The following ITPR3 variants were observed in gnomAD, a reference collection of about 807,000 sequenced individuals.
ITPR3 encodes the protein inositol 1,4,5-trisphosphate receptor type 3, also known as inositol 1,4,5-trisphosphate-gated calcium channel ITPR3.
Under a neutral mutation model 293.2 loss-of-function variants are expected in ITPR3, and 173 were observed. The observed-to-expected ratio is 0.59, with a 90% confidence interval of 0.52 to 0.67. The LOEUF is 0.67. Among genes scored for constraint, ITPR3 ranks in the 30% least tolerant of loss-of-function variants. ITPR3 has a pLI of 0.00. For synonymous variants in ITPR3, 1,295 were observed against 1,444.4 expected (o/e 0.90, Z 2.35); for missense variants, 2,796 against 3,592.1 (o/e 0.78, Z 5.66).
At chr6:33,673,854 T>A in intron 23 of ITPR3, 134 bp downstream of exon 23, 2 of 1,047,146 alleles carry the variant, frequency 1.9e-6, no homozygotes, top group Non-Finnish European at 2.7e-6. Context: ...CTGTCTCATT[T>A]AATTGCCTCA....
At position 33,655,333 on chromosome 6, in the gene ITPR3, T is replaced by G. The variant is rs912248617; in HGVS notation, c.161-433T>G. On this transcript the variant is annotated intron_variant, in intron 2 of 57. Coordinates refer to ENST00000605930, the MANE Select transcript of ITPR3 (RefSeq NM_002224.4). The surrounding 1 kb of genome is among the most constrained non-coding windows in gnomAD (Gnocchi z 4.9). ...TCAGTCACTGGATAGGGGCTGCCCC[T>G]GGGAAGAGGGGTATGTCATTTCCCA... 1.3e-5 allele frequency among the ~76,000 whole-genome samples: 2 copies of G among 152,182 alleles called. No individual in the cohort carries two copies. The highest frequency in any genetic ancestry group is 4.8e-5 in the African/African-American group (2 of 41,450).
At position 33,684,849 on chromosome 6, in the gene ITPR3, G is replaced by A. The variant is rs41267659; in HGVS notation, c.5213G>A (p.Cys1738Tyr). 4,730 of 1,614,100 alleles carry A rather than the reference G, an allele frequency of 2.9e-3. 13 individuals carry two copies. The highest frequency in any genetic ancestry group is 3.3e-3 in the Non-Finnish European group (3,930 of 1,180,000). ...AAGGAGGGGGCCACCAAGTTGGTAT[G>A]CGACCTCATCACCAGCACCAAGAAC... ...LDKEGATKLV[C>Y]DLITSTKNEK... Residue 1738 changes from cysteine (C) to tyrosine (Y), a missense_variant, in exon 39 of 58, where the codon TGC becomes TAC. Around this residue, in one of 8 missense-constraint regions of ITPR3, gnomAD observed 704 missense variants for 797.5 expected, o/e 0.88. Coordinates refer to ENST00000605930, the MANE Select transcript of ITPR3 (RefSeq NM_002224.4). The surrounding 1 kb of genome is among the most constrained non-coding windows in gnomAD (Gnocchi z 4.2).
In ITPR3 at chr6:33,680,125, A is replaced by C; in HGVS notation, c.4216A>C (p.Ile1406Leu). 6.2e-7 allele frequency: 1 copy of C among 1,612,424 alleles called. No individual in the cohort carries two copies. Among genetic ancestry groups the C allele is most frequent in the Non-Finnish European group, 8.5e-7 (1 of 1,179,024 alleles). ...GTCTGTGGTGACGCATGAGGACTGC[A>C]TCACTGAGGTGGGGATCGGGAGACT... Reference protein sequence around the residue: ...VVSVVTHEDCITEVKMAYVNF... With the variant: ...VVSVVTHEDCLTEVKMAYVNF... The change falls in exon 31 of 58, where the codon ATC (isoleucine) becomes CTC (leucine). Residue 1406 changes from isoleucine to leucine, a missense_variant. Around this residue, in one of 8 missense-constraint regions of ITPR3, gnomAD observed 344 missense variants for 460.3 expected, o/e 0.75. Coordinates refer to ENST00000605930, the MANE Select transcript of ITPR3 (RefSeq NM_002224.4).
intron 2 of ITPR3, among the ~76,000 whole-genome samples, chr6:33,653,278 C>CATTTT (rs370927791): frequency 7.6e-6 from 1 of 132,078 alleles, no homozygotes; most frequent in Non-Finnish European, 1.6e-5. Flanking sequence ...TTTTTATTAA[C>CATTTT]TTTTTTTTTT....
intron 2 of ITPR3, among the ~76,000 whole-genome samples, chr6:33,645,136 C>T (rs1259475208): frequency 5.3e-5 from 8 of 151,780 alleles, no homozygotes; most frequent in Admixed American, 5.2e-4. Flanking sequence ...AGTTTGAGAC[C>T]AGCCAGGCCA....
In ITPR3 at chr6:33,621,526, G is replaced by A; in HGVS notation, c.-77G>A. 2.0e-6 allele frequency: 2 copies of A among 987,216 alleles called. No homozygotes were observed. Among genetic ancestry groups the A allele is most frequent in the Non-Finnish European group, 3.1e-6 (2 of 645,104 alleles). The allele number at this position is 987,216 out of a possible 1,614,324, so 61.2% of individuals were successfully genotyped here. A position where few individuals can be genotyped will look rare whatever the true frequency, so the allele number is the denominator to read the frequency against. Reference sequence around the variant, plus strand: ...GCGTACCCCTCCCCGCTCCCCGGACGCCTCAGTCCTCCGCACTGAGCTTGG... The same window carrying A: ...GCGTACCCCTCCCCGCTCCCCGGACACCTCAGTCCTCCGCACTGAGCTTGG... On this transcript the variant is annotated 5_prime_UTR_variant, in exon 1 of 58. Coordinates refer to ENST00000605930, the MANE Select transcript of ITPR3 (RefSeq NM_002224.4). The surrounding 1 kb of genome is among the most constrained non-coding windows in gnomAD (Gnocchi z 7.7).
At chr6:33,662,749 A>G in intron 8 of ITPR3, 75 bp downstream of exon 8, 3 of 1,570,912 alleles carry the variant, frequency 1.9e-6, no homozygotes, top group Non-Finnish European at 2.6e-6. Context: ...ACCATCCTGG[A>G]GGGTGGGATA....
At position 33,621,371 on chromosome 6, in the gene ITPR3, G is replaced by GGGCGGGC. The variant is rs1763430759; in HGVS notation, c.-223_-217dup. 1 of 252,594 alleles carries GGGCGGGC rather than the reference G, an allele frequency of 4.0e-6. No individual in the cohort carries two copies. The highest frequency in any genetic ancestry group is 7.5e-6 in the Non-Finnish European group (1 of 134,040). 15.6% of individuals were successfully genotyped at this position (252,594 alleles called of 1,614,324 possible). A position where few individuals can be genotyped will look rare whatever the true frequency, so the allele number is the denominator to read the frequency against. On this transcript the variant is annotated 5_prime_UTR_variant, in exon 1 of 58. Transcript: ENST00000605930. The surrounding 1 kb of genome is among the most constrained non-coding windows in gnomAD (Gnocchi z 7.7). ...CAGGTACGCGCGGGCCGGGCGGGGC[G>GGGCGGGC]GGCGGGCGGCGGGCGCGCCAAGACG...
intron 2 of ITPR3, among the ~76,000 whole-genome samples, chr6:33,650,518 C>G (rs1167582194): frequency 6.6e-6 from 1 of 152,234 alleles, no homozygotes; most frequent in Non-Finnish European, 1.5e-5. Flanking sequence ...GGCACAGGCT[C>G]TGACCCGCTA....
rs1332328975 is a variant in ITPR3, at chr6:33,664,076, T to C, written c.1148+196T>C. 1.3e-5 allele frequency among the ~76,000 whole-genome samples: 2 copies of C among 152,192 alleles called. No individual in the cohort carries two copies. Among genetic ancestry groups the C allele is most frequent in the African/African-American group, 4.8e-5 (2 of 41,452 alleles). ...TGACCACCATTGCATGCCTGCCTGG[T>C]GCCTGGCGCCTGCCCCAGTTGGTCT... On this transcript the variant is annotated intron_variant, in intron 11 of 57. Transcript: ENST00000605930. This position sits in a 1 kb window ranked among gnomAD's most constrained non-coding sequence, Gnocchi z 4.4.
Position 33,693,664 on chromosome 6 carries a change from G to C in ITPR3, c.7744G>C (p.Asp2582His), listed in dbSNP as rs1259862533. The change falls in exon 56 of 58, where the codon GAC becomes CAC. Residue 2582 changes from aspartate (D) to histidine (H), a missense_variant. Physicochemically the swap from Asp to His is moderately conservative, Grantham distance 81 (BLOSUM62 -1). Around this residue, in one of 8 missense-constraint regions of ITPR3, gnomAD observed 568 missense variants for 796.1 expected, o/e 0.71. Transcript: ENST00000605930. ...IVLVRVKNKTDYTGPESYVAQ... is the reference protein window; with the variant it reads ...IVLVRVKNKTHYTGPESYVAQ... Reference sequence around the variant, plus strand: ...GCTGGTCCGCGTGAAGAACAAGACCGACTACACGGGCCCTGAGAGCTACGT... The same window carrying C: ...GCTGGTCCGCGTGAAGAACAAGACCCACTACACGGGCCCTGAGAGCTACGT... 1 of 1,614,068 alleles carries C rather than the reference G, an allele frequency of 6.2e-7. No homozygotes were observed. Among genetic ancestry groups the C allele is most frequent in the Admixed American group, 1.7e-5 (1 of 60,008 alleles).
intron 1 of ITPR3, among the ~76,000 whole-genome samples, chr6:33,627,925 T>A (rs1234065041): frequency 1.3e-5 from 2 of 152,232 alleles, no homozygotes; most frequent in Non-Finnish European, 2.9e-5. Context: ...CACATCCACC[T>A]TGAGACTCCA....
chr6:33,695,605 GCAGC>G, intron 57 of ITPR3, 103 bp from the exon 58 acceptor site: 1 of 1,120,984 alleles, frequency 8.9e-7, no homozygotes, highest in South Asian at 1.3e-5. Flanking sequence ...GTGCCGAATA[GCAGC>G]TGGGCCCACA....
rs755030105 is a variant in ITPR3 at position 33,691,144 on chromosome 6, G to C, written c.7225+35G>C. 1 of 1,606,000 alleles carries C rather than the reference G, an allele frequency of 6.2e-7. No individual in the cohort carries two copies. The highest frequency in any genetic ancestry group is 1.1e-5 in the South Asian group (1 of 90,762). On this transcript the variant is annotated intron_variant, in intron 52 of 57. Coordinates refer to ENST00000605930, the MANE Select transcript of ITPR3 (RefSeq NM_002224.4). This position sits in a 1 kb window ranked among gnomAD's most constrained non-coding sequence, Gnocchi z 4.9. ...GCTTCCTCTCCTGGGCAGGTTGTGG[G>C]GAATGAGGTTGGGTCTCACAAATGT...
chr6:33,647,027 GTTAT>G lies in ITPR3; in HGVS notation c.160+6487_160+6490del, dbSNP rs1466796627. Among the ~76,000 whole-genome samples, 2 of 152,134 alleles carry G rather than the reference GTTAT, an allele frequency of 1.3e-5. 1 individual carries two copies. Among genetic ancestry groups the G allele is most frequent in the East Asian group, 3.9e-4 (2 of 5,188 alleles). On this transcript the variant is annotated intron_variant, in intron 2 of 57. Transcript: ENST00000605930. ...TAATTTGTCTTAAATATTAAAAAAG[GTTAT>G]TTATTTATTTATTAAGACAGGGTCT...
Position 33,687,374 on chromosome 6 carries a change from T to C in ITPR3, c.6177+47T>C, listed in dbSNP as rs1311666207. ...ACGGCCATCACCCCCCTGGCCACCA[T>C]ACCCCGCCCCAGCTGCCATCATCCC... On this transcript the variant is annotated intron_variant, in intron 45 of 57. Transcript: ENST00000605930. This position sits in a 1 kb window ranked among gnomAD's most constrained non-coding sequence, Gnocchi z 5.3. 3 of 1,461,038 alleles carry C rather than the reference T, an allele frequency of 2.1e-6. No homozygotes were observed. The African/African-American group carries it at 4.2e-5, about 20-fold the overall frequency. 90.5% of individuals were successfully genotyped at this position (1,461,038 alleles called of 1,614,324 possible).
chr6:33,663,825 T>G lies in ITPR3; in HGVS notation c.1093T>G (p.Ser365Ala). The G allele has an allele frequency of 6.2e-7, 1 of 1,614,138 alleles. No homozygotes were observed. The highest frequency in any genetic ancestry group is 1.1e-5 in the South Asian group (1 of 91,082). Residue 365 changes from serine to alanine, a missense_variant, in exon 11 of 58, where the codon TCT becomes GCT. Physicochemically the swap from Ser to Ala is moderately conservative, Grantham distance 99. Around this residue, in one of 8 missense-constraint regions of ITPR3, gnomAD observed 955 missense variants for 1,180.8 expected, o/e 0.81. Transcript: ENST00000605930. ...VAVPHGNDIA[S>A]LFELDPTTLQ... The stretch of plus-strand genomic sequence containing the variant: ...TGTGCCTCATGGCAATGACATCGCC[T>G]CTCTCTTTGAGCTGGACCCCACCAC...
In ITPR3 at chr6:33,662,654, A is replaced by C; in HGVS notation, c.838A>C (p.Asn280His). The C allele has an allele frequency of 6.2e-7, 1 of 1,608,934 alleles. No individual in the cohort carries two copies. Among genetic ancestry groups the C allele is most frequent in the Non-Finnish European group, 8.5e-7 (1 of 1,179,956 alleles). ...RQSATSATSSNALWEVEVVHH... is the reference protein window; with the variant it reads ...RQSATSATSSHALWEVEVVHH... ...GTCTGCCACCTCGGCCACCAGCTCC[A>C]ATGCTCTCTGGGAGGTGGAGGTCAG... The change falls in exon 8 of 58, where the codon AAT becomes CAT. Residue 280 changes from asparagine (N) to histidine (H), a missense_variant. Physicochemically the swap from Asn to His is moderately conservative, Grantham distance 68. Around this residue, in one of 8 missense-constraint regions of ITPR3, gnomAD observed 955 missense variants for 1,180.8 expected, o/e 0.81. Coordinates refer to ENST00000605930, the MANE Select transcript of ITPR3 (RefSeq NM_002224.4).
Position 33,679,827 on chromosome 6 carries a change from A to C in ITPR3, c.3973-55A>C. 1 of 1,562,428 alleles carries C rather than the reference A, an allele frequency of 6.4e-7. No homozygotes were observed. The highest frequency in any genetic ancestry group is 1.3e-5 in the African/African-American group (1 of 74,128). ...CTCCCTGGTAAGCAACGGAGAGGAG[A>C]GCCCAGGGCTTGCTGGACCGAGAGA... is the stretch of plus-strand genomic sequence containing the variant. On this transcript the variant is annotated intron_variant, in intron 30 of 57. Transcript: ENST00000605930. The surrounding 1 kb of genome is among the most constrained non-coding windows in gnomAD (Gnocchi z 4.2).
Sources: gnomAD v4.1 joint callset for allele counts (sites outside exome capture counted in the v4.1 genomes callset) on GRCh38, gnomAD v4.1.1 for gene constraint, gnomAD v4.1.1 regional missense constraint, Gnocchi (gnomAD v3.1) non-coding constraint, MANE v1.5 for transcripts, NCBI Gene and HGNC (gene_info 2026-07-23, HGNC 2026-07-21) for gene names.